B3GALT1: variants seen among roughly 807,000 people sequenced by gnomAD.
B3GALT1 encodes beta-1,3-galactosyltransferase 1.
B3GALT1 carries 10 observed loss-of-function variants against 23.2 expected under a neutral mutation model. The ratio of observed to expected loss-of-function variants is 0.43; its 90% CI spans 0.27 to 0.73. The LOEUF is 0.73. Ranked by LOEUF, B3GALT1 falls within the 30% of genes least tolerant of loss-of-function variation. The probability of loss-of-function intolerance (pLI) is 0.21; values close to 1 mark genes in which losing one functional copy is unlikely to be tolerated. For synonymous variants in B3GALT1, 156 were observed against 141.5 expected (o/e 1.10, Z -0.73); for missense variants, 299 against 405.4 (o/e 0.74, Z 2.25).
chr2:167,862,445 A>G (rs1690120264), intron 4 of B3GALT1, among the ~76,000 whole-genome samples: 1 of 152,138 alleles, frequency 6.6e-6, no homozygotes, highest in Non-Finnish European at 1.5e-5. Context: ...TTAGGCCTTC[A>G]GTGAATTAGG....
chr2:167,839,267 A>G (rs1335797745), intron 4 of B3GALT1, among the ~76,000 whole-genome samples: 5 of 151,764 alleles, frequency 3.3e-5, no homozygotes, highest in Admixed American at 2.0e-4. Context: ...ATGATTGTAT[A>G]TCTAGAAAAC....
At chr2:167,864,849 T>C (rs1473412951) in intron 4 of B3GALT1, among the ~76,000 whole-genome samples, 1 of 152,112 alleles carries the variant, frequency 6.6e-6, no homozygotes, top group African/African-American at 2.4e-5. Flanking sequence ...TAGAATGGCA[T>C]GGAATGCACC....
chr2:167,752,245 T>C (rs1687749216), intron 3 of B3GALT1, among the ~76,000 whole-genome samples: 1 of 152,184 alleles, frequency 6.6e-6, no homozygotes, highest in South Asian at 2.1e-4. Context: ...GTTAGAGTGA[T>C]GTAGACTATT....
At chr2:167,482,690 A>T (rs1329283593) in intron 1 of B3GALT1, among the ~76,000 whole-genome samples, 1 of 152,200 alleles carries the variant, frequency 6.6e-6, no homozygotes, top group African/African-American at 2.4e-5. Context: ...AAATAAAAAA[A>T]TTAGCCGGGC....
chr2:167,468,086 A>G (rs1341350428), intron 1 of B3GALT1, among the ~76,000 whole-genome samples: 1 of 152,178 alleles, frequency 6.6e-6, no homozygotes, highest in Non-Finnish European at 1.5e-5. Flanking sequence ...GGGCCATGAA[A>G]CAGTGAAAGA....
chr2:167,769,406 T>C (rs1304938243), intron 3 of B3GALT1, among the ~76,000 whole-genome samples: 1 of 152,208 alleles, frequency 6.6e-6, no homozygotes, highest in African/African-American at 2.4e-5. Flanking sequence ...AATTTTTATT[T>C]TCATCTTTTT....
chr2:167,667,859 T>C lies in B3GALT1; in HGVS notation c.-352+20893T>C, dbSNP rs899587913. Reference sequence around the variant, plus strand: ...AAGTTATAGATTCTTCTAAATTTTTTTGAAAGTTTTCAACTTCTTTGCCTT... The same window carrying C: ...AAGTTATAGATTCTTCTAAATTTTTCTGAAAGTTTTCAACTTCTTTGCCTT... On this transcript the variant is annotated intron_variant, in intron 3 of 4. Transcript: ENST00000392690. Among the ~76,000 whole-genome samples the C allele has an allele frequency of 5.3e-5, 8 of 152,244 alleles. No homozygotes were observed. The East Asian group carries it at 1.5e-3, about 29-fold the overall frequency.
At chr2:167,592,367 CGGG>C (rs1242802422) in intron 2 of B3GALT1, among the ~76,000 whole-genome samples, 1 of 152,106 alleles carries the variant, frequency 6.6e-6, no homozygotes, top group East Asian at 1.9e-4. Flanking sequence ...CTCCATGAAA[CGGG>C]CATTATGGAA....
chr2:167,545,250 T>A (rs1020632661), intron 2 of B3GALT1, among the ~76,000 whole-genome samples: 1 of 151,858 alleles, frequency 6.6e-6, no homozygotes, highest in African/African-American at 2.4e-5. Context: ...TTAGCCAGGA[T>A]GGTCTTGATC....
chr2:167,320,831 A>G (rs1018695227), intron 1 of B3GALT1, among the ~76,000 whole-genome samples: 2 of 152,136 alleles, frequency 1.3e-5, no homozygotes, highest in African/African-American at 4.8e-5. Flanking sequence ...CTGTTTAAGA[A>G]AAATAGTTTA....
At chr2:167,815,316 TTAAC>T (rs1473103316) in intron 3 of B3GALT1, 1 of 152,216 alleles carries the variant, frequency 6.6e-6, no homozygotes, top group East Asian at 1.9e-4. Flanking sequence ...CCTAAATTCA[TTAAC>T]TAATTAGATC....
chr2:167,642,857 A>G (rs185851063), intron 2 of B3GALT1, among the ~76,000 whole-genome samples: 2 of 152,280 alleles, frequency 1.3e-5, no homozygotes, highest in East Asian at 1.9e-4. Context: ...ATTGGCTAAT[A>G]TAATATTAGG....
chr2:167,316,272 C>T (rs1156908016), intron 1 of B3GALT1, among the ~76,000 whole-genome samples: 1 of 151,664 alleles, frequency 6.6e-6, no homozygotes, highest in Non-Finnish European at 1.5e-5. Flanking sequence ...ATGAAAACTA[C>T]ATTGGGGTGT....
At chr2:167,759,402 G>A (rs1279580488) in intron 3 of B3GALT1, among the ~76,000 whole-genome samples, 1 of 152,206 alleles carries the variant, frequency 6.6e-6, no homozygotes, top group Non-Finnish European at 1.5e-5. Context: ...GCTATGTGGA[G>A]AACTAGACTA....
At chr2:167,330,612 C>T (rs577819974) in intron 1 of B3GALT1, among the ~76,000 whole-genome samples, 10 of 152,224 alleles carry the variant, frequency 6.6e-5, no homozygotes, top group South Asian at 2.1e-4. Flanking sequence ...CCAGCCTACC[C>T]GCACACTTCC....
intron 1 of B3GALT1, among the ~76,000 whole-genome samples, chr2:167,437,562 A>G (rs1698809424): frequency 1.3e-5 from 2 of 152,180 alleles, no homozygotes; most frequent in African/African-American, 4.8e-5. Context: ...ACTCATGGAT[A>G]AAGCCACTGT....
intron 2 of B3GALT1, among the ~76,000 whole-genome samples, chr2:167,564,004 A>C (rs1574140736): frequency 3.1e-5 from 4 of 128,442 alleles, no homozygotes; most frequent in African/African-American, 9.4e-5. Flanking sequence ...CGGGGGGCCG[A>C]CCCTCCCACC....
chr2:167,523,426 C>CTT (rs35173184), intron 2 of B3GALT1, among the ~76,000 whole-genome samples: 1 of 141,156 alleles, frequency 7.1e-6, no homozygotes, highest in Admixed American at 7.1e-5. Flanking sequence ...TTGTGTATCC[C>CTT]TTTTTTTTTT....
chr2:167,785,906 G>A (rs1018697703), intron 3 of B3GALT1, among the ~76,000 whole-genome samples: 12 of 152,060 alleles, frequency 7.9e-5, no homozygotes, highest in African/African-American at 2.7e-4. Context: ...TTCACCCTTG[G>A]GATTTTTCTA....
Sources: allele counts gnomAD v4.1 joint callset (sites outside exome capture counted in the v4.1 genomes callset), GRCh38; gene constraint gnomAD v4.1.1; transcripts MANE v1.5; gene names NCBI Gene and HGNC (gene_info 2026-07-23, HGNC 2026-07-21).